The following TMEM108 variants were observed in gnomAD, a reference collection of about 807,000 sequenced individuals.
TMEM108 encodes cancer/testis antigen 124.
Under a neutral mutation model 35.1 loss-of-function variants are expected in TMEM108, and 12 were observed. That is an observed-to-expected ratio of 0.34 (90% CI 0.22 to 0.55). The LOEUF (loss-of-function observed/expected upper bound fraction) is 0.55. TMEM108 is among the 20% of genes least tolerant of loss of function. TMEM108 has a pLI of 0.89. For synonymous variants in TMEM108, 287 were observed against 308.6 expected, an observed-to-expected ratio of 0.93 and a Z score of 0.73; for missense variants, 680 against 753.3, an observed-to-expected ratio of 0.90 and a Z score of 1.14.
chr3:133,152,698 A>G (rs1339978746), intron 2 of TMEM108, among the ~76,000 whole-genome samples: 4 of 152,134 alleles, frequency 2.6e-5, no homozygotes, highest in African/African-American at 9.7e-5. Context: ...CCAGACCCCT[A>G]TTACCTGGAA....
At chr3:133,176,380 C>T (rs1358863120) in intron 2 of TMEM108, among the ~76,000 whole-genome samples, 1 of 152,164 alleles carries the variant, frequency 6.6e-6, no homozygotes, top group Non-Finnish European at 1.5e-5. Context: ...TTTTTTTCAG[C>T]ACCACATCGC....
intron 3 of TMEM108, among the ~76,000 whole-genome samples, chr3:133,256,633 A>C (rs952778820): frequency 2.6e-5 from 4 of 152,236 alleles, no homozygotes; most frequent in Non-Finnish European, 5.9e-5. Flanking sequence ...AGGCATGGCA[A>C]AATTTCAAGG....
At chr3:133,203,262 T>C (rs996239292) in intron 2 of TMEM108, among the ~76,000 whole-genome samples, 2 of 152,216 alleles carry the variant, frequency 1.3e-5, no homozygotes, top group Middle Eastern at 3.2e-3. Flanking sequence ...ACTTCCTTTC[T>C]TCCTATTTGA....
chr3:133,169,933 C>G (rs1945104556), intron 2 of TMEM108, among the ~76,000 whole-genome samples: 1 of 152,186 alleles, frequency 6.6e-6, no homozygotes, highest in South Asian at 2.1e-4. Context: ...GCACTGGAAA[C>G]AAGGGCGGGA....
At chr3:133,371,277 C>G (rs2072662158) in intron 3 of TMEM108, among the ~76,000 whole-genome samples, 1 of 152,184 alleles carries the variant, frequency 6.6e-6, no homozygotes, top group African/African-American at 2.4e-5. Flanking sequence ...AAGTCTGTAG[C>G]TGGGGAGGAG....
chr3:133,122,846 G>A (rs1202856505), intron 2 of TMEM108, among the ~76,000 whole-genome samples: 2 of 135,044 alleles, frequency 1.5e-5, no homozygotes, highest in African/African-American at 5.5e-5. Context: ...CTGGGCAACA[G>A]AGCGAGACTC....
chr3:133,159,468 TG>T (rs1944930031), intron 2 of TMEM108, among the ~76,000 whole-genome samples: 1 of 152,196 alleles, frequency 6.6e-6, no homozygotes, highest in South Asian at 2.1e-4. Context: ...TTTGATGACC[TG>T]ATCTTTGAGG....
At chr3:133,131,912 AAGAT>A (rs1031121440) in intron 2 of TMEM108, among the ~76,000 whole-genome samples, 13 of 152,168 alleles carry the variant, frequency 8.5e-5, no homozygotes, top group Admixed American at 3.3e-4. Context: ...GAATATATAG[AAGAT>A]AGATAGATAG....
At chr3:133,318,093 C>A (rs2071221283) in intron 3 of TMEM108, among the ~76,000 whole-genome samples, 1 of 152,248 alleles carries the variant, frequency 6.6e-6, no homozygotes, top group African/African-American at 2.4e-5. Context: ...CACAAACAAG[C>A]TCTTACAGTT....
intron 3 of TMEM108, among the ~76,000 whole-genome samples, chr3:133,331,292 T>C (rs2071390338): frequency 6.6e-6 from 1 of 152,190 alleles, no homozygotes; most frequent in Non-Finnish European, 1.5e-5. Flanking sequence ...TGTCATCAGA[T>C]GTCTTATTTG....
At chr3:133,254,963 TA>T (rs1322082857) in intron 3 of TMEM108, among the ~76,000 whole-genome samples, 1 of 152,202 alleles carries the variant, frequency 6.6e-6, no homozygotes, top group Non-Finnish European at 1.5e-5. Flanking sequence ...TAGTTGGAGT[TA>T]TCAACCACAC....
intron 3 of TMEM108, among the ~76,000 whole-genome samples, chr3:133,317,607 G>A (rs549107924): frequency 6.6e-6 from 1 of 151,738 alleles, no homozygotes; most frequent in East Asian, 1.9e-4. Context: ...ATTAACAATA[G>A]TAATTGCTTG....
intron 3 of TMEM108, among the ~76,000 whole-genome samples, chr3:133,232,765 A>C (rs62280356): frequency 0.53 from 80,685 of 151,370 alleles, 23,205 homozygotes; most frequent in Middle Eastern, 0.67. Flanking sequence ...AGCTCTACTC[A>C]GGAATGTGGT....
At chr3:133,120,361 C>T (rs574072257) in intron 2 of TMEM108, among the ~76,000 whole-genome samples, 1 of 152,294 alleles carries the variant, frequency 6.6e-6, no homozygotes, top group South Asian at 2.1e-4. Context: ...ATCAGCCAGA[C>T]CTAGAGGTCA....
rs1211951810 is a variant in TMEM108 at position 133,300,987 on chromosome 3, C to CGT, written c.40+71636_40+71637insGT. Reference sequence around the variant, plus strand: ...ATACAGACCCCAGTACACACACACACACACACACACACACACACACACACA... The same window carrying CGT: ...ATACAGACCCCAGTACACACACACACGTACACACACACACACACACACACACA... On this transcript the variant is annotated intron_variant, in intron 3 of 5. Transcript: ENST00000321871. Among the ~76,000 whole-genome samples the CGT allele has an allele frequency of 3.6e-3, 28 of 7,714 alleles. 1 individual carries two copies. The highest frequency in any genetic ancestry group is 4.5e-3 in the African/African-American group (27 of 6,010). The allele number at this position is 7,714 out of a possible 152,430, so 5.1% of individuals were successfully genotyped here. A position where few individuals can be genotyped will look rare whatever the true frequency, so the allele number is the denominator to read the frequency against.
chr3:133,096,631 C>T (rs915818788), intron 2 of TMEM108, among the ~76,000 whole-genome samples: 4 of 152,142 alleles, frequency 2.6e-5, no homozygotes, highest in Non-Finnish European at 4.4e-5. Context: ...CTGTGCCTTT[C>T]CTATAATATG....
intron 3 of TMEM108, among the ~76,000 whole-genome samples, chr3:133,292,848 T>A (rs1947092202): frequency 6.6e-6 from 1 of 152,148 alleles, no homozygotes; most frequent in South Asian, 2.1e-4. Context: ...TCCAGTTCTA[T>A]TTCATATGCC....
chr3:133,371,357 G>A lies in TMEM108; in HGVS notation c.41-8395G>A, dbSNP rs113543150. 9.1e-3 allele frequency among the ~76,000 whole-genome samples: 1,391 copies of A among 152,186 alleles called. 17 individuals are homozygous for A. The highest frequency in any genetic ancestry group is 0.032 in the African/African-American group (1,315 of 41,498). ...CTAAGTCAGCTTGATGGGCTGGAAG[G>A]TCCACTTTCAAGATAGCTCATTCAC... On this transcript the variant is annotated intron_variant, in intron 3 of 5. Transcript: ENST00000321871.
At chr3:133,169,609 A>T (rs1359100257) in intron 2 of TMEM108, among the ~76,000 whole-genome samples, 7 of 152,192 alleles carry the variant, frequency 4.6e-5, no homozygotes, top group African/African-American at 1.7e-4. Context: ...CATACTATGG[A>T]ATATTATCAA....
Sources: gnomAD v4.1 joint callset for allele counts (sites outside exome capture counted in the v4.1 genomes callset) on GRCh38, gnomAD v4.1.1 for gene constraint, MANE v1.5 for transcripts, NCBI Gene and HGNC (gene_info 2026-07-23, HGNC 2026-07-21) for gene names.